GIMD1: variants seen among roughly 807,000 people sequenced by gnomAD.
The protein encoded by GIMD1 is GIMAP family P-loop NTPase domain containing 1.
Under a neutral mutation model 14.9 loss-of-function variants are expected in GIMD1, and 14 were observed. That is an observed-to-expected ratio of 0.94 (90% confidence interval 0.62 to 1.47). The LOEUF (loss-of-function observed/expected upper bound fraction) is 1.47, where lower values mean the gene tolerates loss of function less well. GIMD1 is among the 40% of genes most tolerant of loss of function. GIMD1 has a pLI of 0.00. For synonymous variants in GIMD1, 91 were observed against 90.5 expected (o/e 1.01, Z -0.03); for missense variants, 272 against 255.3 (o/e 1.07, Z -0.44).
At chr4:106,362,729 AT>A (rs1443963818) in intron 2 of GIMD1, among the ~76,000 whole-genome samples, 1 of 152,032 alleles carries the variant, frequency 6.6e-6, no homozygotes, top group African/African-American at 2.4e-5. Flanking sequence ...AATGAGGACC[AT>A]TTTTTTATAC....
chr4:106,358,600 A>G (rs1770569626), intron 2 of GIMD1, among the ~76,000 whole-genome samples, 157 bp from the exon 3 acceptor site: 1 of 151,978 alleles, frequency 6.6e-6, no homozygotes, highest in South Asian at 2.1e-4. Context: ...AGGGTCAAGT[A>G]TTTTAAGTAA....
chr4:106,364,542 A>C (rs1333314088), intron 2 of GIMD1, among the ~76,000 whole-genome samples: 1 of 152,190 alleles, frequency 6.6e-6, no homozygotes, highest in Non-Finnish European at 1.5e-5. Context: ...AGGCACCTTC[A>C]GGAAGATCAC....
intron 2 of GIMD1, among the ~76,000 whole-genome samples, chr4:106,361,802 TTAAA>T (rs1309417033): frequency 1.3e-5 from 2 of 152,132 alleles, no homozygotes; most frequent in Non-Finnish European, 2.9e-5. Context: ...ATTTGCCTCC[TTAAA>T]TATTTTTGAA....
intron 2 of GIMD1, among the ~76,000 whole-genome samples, chr4:106,361,693 A>G (rs1770614994): frequency 6.6e-6 from 1 of 152,102 alleles, no homozygotes; most frequent in Non-Finnish European, 1.5e-5. Context: ...TAACTCCTTG[A>G]GAGCCATCCT....
intron 2 of GIMD1, among the ~76,000 whole-genome samples, chr4:106,365,293 C>A (rs948662288): frequency 4.6e-5 from 7 of 152,116 alleles, no homozygotes; most frequent in Middle Eastern, 6.8e-3. Flanking sequence ...TTTTGTATAG[C>A]AGGTCCTTGG....
chr4:106,358,109 A>C lies in GIMD1; in HGVS notation c.*74T>G, dbSNP rs761738936. ...ATCAGAATACTTATGGTCCACATTC[A>C]TGTCAATAAAGGCATTCTTTGTAGC... On this transcript the variant is annotated 3_prime_UTR_variant, in exon 3 of 3. Transcript: ENST00000638719. 1.2e-4 allele frequency: 119 copies of C among 990,780 alleles called. No homozygotes were observed. The highest frequency in any genetic ancestry group is 1.6e-4 in the Non-Finnish European group (112 of 697,484). 61.4% of individuals were successfully genotyped at this position (990,780 alleles called of 1,614,324 possible). A position where few individuals can be genotyped will look rare whatever the true frequency, so the allele number is the denominator to read the frequency against.
At position 106,357,997 on chromosome 4, in the gene GIMD1, G is replaced by T; in HGVS notation, c.*186C>A. On this transcript the variant is annotated 3_prime_UTR_variant, in exon 3 of 3. Transcript: ENST00000638719. ...GTGTAATTGCTATGTCATGGGATTTGCATTAGAAATCTTGAATCATTGATG... is the reference window on the plus strand; with the variant it reads ...GTGTAATTGCTATGTCATGGGATTTTCATTAGAAATCTTGAATCATTGATG... 1 of 498,240 alleles carries T rather than the reference G, an allele frequency of 2.0e-6. No individual in the cohort carries two copies. Among genetic ancestry groups the T allele is most frequent in the East Asian group, 3.4e-5 (1 of 29,330 alleles). 30.9% of individuals were successfully genotyped at this position (498,240 alleles called of 1,614,324 possible). A position where few individuals can be genotyped will look rare whatever the true frequency, so the allele number is the denominator to read the frequency against.
intron 1 of GIMD1, 29 bp downstream of exon 1, chr4:106,368,681 T>A (rs1225713731): frequency 2.5e-6 from 1 of 398,198 alleles, no homozygotes; most frequent in African/African-American, 2.1e-5. Flanking sequence ...AATTATTCAA[T>A]CCCAATCCAT....
At chr4:106,368,085 A>G (rs1770733076) in intron 1 of GIMD1, among the ~76,000 whole-genome samples, 1 of 152,170 alleles carries the variant, frequency 6.6e-6, no homozygotes, top group Admixed American at 6.5e-5. Flanking sequence ...TGGTGAAAAT[A>G]CAAACTACTT....
At chr4:106,362,866 A>G (rs1770634882) in intron 2 of GIMD1, among the ~76,000 whole-genome samples, 1 of 150,088 alleles carries the variant, frequency 6.7e-6, no homozygotes, top group South Asian at 2.1e-4. Context: ...AGATCATCTT[A>G]TAAACTGCCT....
Position 106,367,301 on chromosome 4 carries a change from T to C in GIMD1, c.135A>G (p.Thr45=). ...GACAACTGCGGCCCAGGCTACAACA[T>C]GTGGTCACAGAACAGGGAGCAAAGC... is the stretch of plus-strand genomic sequence containing the variant. ...HSSFAPCSVT[T]CCSLGRSCHL... is the part of the protein sequence containing the mutation. The change falls in exon 2 of 3, where the codon ACA becomes ACG. Residue 45 remains threonine, a synonymous_variant. Transcript: ENST00000638719. 1 of 1,535,984 alleles carries C rather than the reference T, an allele frequency of 6.5e-7. No individual in the cohort carries two copies. The highest frequency in any genetic ancestry group is 8.7e-7 in the Non-Finnish European group (1 of 1,146,834).
chr4:106,361,236 G>A (rs935319938), intron 2 of GIMD1, among the ~76,000 whole-genome samples: 3 of 152,032 alleles, frequency 2.0e-5, no homozygotes, highest in Non-Finnish European at 4.4e-5. Context: ...TACAGTTAGT[G>A]GAGATTTTTG....
At chr4:106,362,757 A>ACTCT (rs1198161224) in intron 2 of GIMD1, among the ~76,000 whole-genome samples, 1 of 151,944 alleles carries the variant, frequency 6.6e-6, no homozygotes. Context: ...CTATTCCCTT[A>ACTCT]CTCTCACCCC....
intron 2 of GIMD1, among the ~76,000 whole-genome samples, chr4:106,360,113 G>A (rs1049727614): frequency 2.0e-5 from 3 of 151,842 alleles, no homozygotes; most frequent in Non-Finnish European, 4.4e-5. Flanking sequence ...TTGAGGTTTT[G>A]GTTTTGAAGT....
chr4:106,368,302 CAT>C (rs769207947), intron 1 of GIMD1, among the ~76,000 whole-genome samples: 2 of 152,140 alleles, frequency 1.3e-5, no homozygotes, highest in African/African-American at 2.4e-5. Flanking sequence ...ATTTTAAGGT[CAT>C]TAATCATTTT....
chr4:106,358,470 T>C, intron 2 of GIMD1, 27 bp from the exon 3 acceptor site: 1 of 1,473,530 alleles, frequency 6.8e-7, no homozygotes, highest in Non-Finnish European at 8.9e-7. Flanking sequence ...AGATAACTAT[T>C]GAACTTGAAC....
chr4:106,358,426 A>G lies in GIMD1; in HGVS notation c.411T>C (p.Ala137=), dbSNP rs566968432. The change falls in exon 3 of 3, where the codon GCT becomes GCC. Residue 137 remains alanine (A), a synonymous_variant. Transcript: ENST00000638719. Reference sequence around the variant, plus strand: ...AAAGAATGGCTGTGTAATTCATCCAAGCATGTCCAAGAAGTTCCTGAAAGA... The same window carrying G: ...AAAGAATGGCTGTGTAATTCATCCAGGCATGTCCAAGAAGTTCCTGAAAGA... ...VQMIQELLGH[A]WMNYTAILFT... The G allele has an allele frequency of 6.2e-4, 935 of 1,514,682 alleles. 1 individual carries two copies. Among genetic ancestry groups the G allele is most frequent in the Non-Finnish European group, 7.4e-4 (848 of 1,140,436 alleles). 93.8% of individuals were successfully genotyped at this position (1,514,682 alleles called of 1,614,324 possible).
chr4:106,368,047 A>C (rs1770731516), intron 1 of GIMD1, among the ~76,000 whole-genome samples: 1 of 152,152 alleles, frequency 6.6e-6, no homozygotes, highest in Non-Finnish European at 1.5e-5. Context: ...CTGCTTACCA[A>C]ATTTTTTTTT....
At chr4:106,364,551 A>G (rs1770666358) in intron 2 of GIMD1, among the ~76,000 whole-genome samples, 1 of 152,180 alleles carries the variant, frequency 6.6e-6, no homozygotes, top group Admixed American at 6.6e-5. Context: ...CAGGAAGATC[A>G]CAAACAGCCA....
Sources: allele counts gnomAD v4.1 joint callset (sites outside exome capture counted in the v4.1 genomes callset), GRCh38; gene constraint gnomAD v4.1.1; transcripts MANE v1.5; gene names NCBI Gene and HGNC (gene_info 2026-07-23, HGNC 2026-07-21).